ASXL3: variants seen among roughly 807,000 people sequenced by gnomAD.
ASXL3 encodes putative Polycomb group protein ASXL3.
ASXL3 carries 34 observed loss-of-function variants against 170.6 expected under a neutral mutation model. The observed-to-expected ratio is 0.20, with a 90% CI of 0.15 to 0.27. ASXL3 has a LOEUF of 0.27. Ranked by LOEUF, ASXL3 falls within the 10% of genes least tolerant of loss-of-function variation. The pLI, the probability that ASXL3 is intolerant of heterozygous loss-of-function variation, is 1.00. For synonymous variants in ASXL3, 1,002 were observed against 989.1 expected, an observed-to-expected ratio of 1.01 and a Z score of -0.24; for missense variants, 2,592 against 2,695.3, an observed-to-expected ratio of 0.96 and a Z score of 0.85.
At chr18:33,604,286 TGGGACTA>T (rs1397780012) in intron 1 of ASXL3, among the ~76,000 whole-genome samples, 1 of 152,118 alleles carries the variant, frequency 6.6e-6, no homozygotes, top group African/African-American at 2.4e-5. Context: ...CAATAGAACG[TGGGACTA>T]TTACATGAAA....
At position 33,631,656 on chromosome 18, in the gene ASXL3, T is replaced by C. The variant is rs146884945; in HGVS notation, c.138-13238T>C. 5.6e-3 allele frequency among the ~76,000 whole-genome samples: 845 copies of C among 152,252 alleles called. 7 individuals are homozygous for C. Among genetic ancestry groups the C allele is most frequent in the African/African-American group, 0.018 (745 of 41,572 alleles). ...GGACAATTTAAATGTTCGCTGCTGATATCAGCGACTCTCAAACTTGGTTGC... is the reference window on the plus strand; with the variant it reads ...GGACAATTTAAATGTTCGCTGCTGACATCAGCGACTCTCAAACTTGGTTGC... On this transcript the variant is annotated intron_variant, in intron 2 of 11. Transcript: ENST00000269197.
At position 33,738,650 on chromosome 18, in the gene ASXL3, C is replaced by G. The variant is rs2067590585; in HGVS notation, c.1246C>G (p.Pro416Ala). 1.2e-6 allele frequency: 2 copies of G among 1,613,926 alleles called. No homozygotes were observed. The highest frequency in any genetic ancestry group is 2.2e-5 in the South Asian group (2 of 91,074). The change falls in exon 11 of 12, where the codon CCT becomes GCT. Residue 416 changes from proline to alanine, a missense_variant. Transcript: ENST00000269197. Reference sequence around the variant, plus strand: ...CATGAAAAGCCCAGCTTCTCCAGAGCCTGGTTTCTGTGCTACTCTTTGCCC... The same window carrying G: ...CATGAAAAGCCCAGCTTCTCCAGAGGCTGGTTTCTGTGCTACTCTTTGCCC... ...KSMKSPASPEPGFCATLCPMV... is the reference protein window; with the variant it reads ...KSMKSPASPEAGFCATLCPMV...
At chr18:33,582,090 A>G (rs2064998126) in intron 1 of ASXL3, among the ~76,000 whole-genome samples, 1 of 152,192 alleles carries the variant, frequency 6.6e-6, no homozygotes. Flanking sequence ...CATCTGTTTT[A>G]TCTGCTCTTC....
intron 7 of ASXL3, among the ~76,000 whole-genome samples, chr18:33,681,712 T>G (rs1448513291): frequency 6.6e-6 from 1 of 152,062 alleles, no homozygotes; most frequent in Non-Finnish European, 1.5e-5. Context: ...ATTATTTCAG[T>G]TCTGAAAAAT....
rs114940131 is a variant in ASXL3 at position 33,640,286 on chromosome 18, A to G, written c.138-4608A>G. ...ACAAACATATATATATATATCATTC[A>G]GATAACATATATAAAGCCCTCTAAA... On this transcript the variant is annotated intron_variant, in intron 2 of 11. Coordinates refer to ENST00000269197, the MANE Select transcript of ASXL3 (RefSeq NM_030632.3). Among the ~76,000 whole-genome samples, 515 of 152,108 alleles carry G rather than the reference A, an allele frequency of 3.4e-3. 3 individuals are homozygous for G. The highest frequency in any genetic ancestry group is 0.012 in the African/African-American group (494 of 41,512).
chr18:33,733,887 G>C (rs2067495742), intron 9 of ASXL3, among the ~76,000 whole-genome samples: 2 of 152,080 alleles, frequency 1.3e-5, no homozygotes, highest in Non-Finnish European at 2.9e-5. Context: ...GCAGAATTAA[G>C]CGCTTTACTT....
chr18:33,710,392 G>T (rs1241225292), intron 8 of ASXL3, among the ~76,000 whole-genome samples: 1 of 152,190 alleles, frequency 6.6e-6, no homozygotes, highest in Non-Finnish European at 1.5e-5. Flanking sequence ...TCGTTTTAGT[G>T]TAAGAAACTA....
At chr18:33,663,007 T>C (rs1021498720) in intron 5 of ASXL3, among the ~76,000 whole-genome samples, 2 of 152,138 alleles carry the variant, frequency 1.3e-5, no homozygotes, top group Non-Finnish European at 2.9e-5. Context: ...ATTGCAGCAT[T>C]TATATTGAAG....
At chr18:33,657,960 G>A in intron 4 of ASXL3, among the ~76,000 whole-genome samples, 1 of 152,098 alleles carries the variant, frequency 6.6e-6, no homozygotes, top group East Asian at 1.9e-4. Flanking sequence ...AGGACAGGCT[G>A]TATTGTGGGA....
chr18:33,646,111 A>G (rs918808950), intron 3 of ASXL3, 134 bp from the exon 4 acceptor site: 3 of 617,486 alleles, frequency 4.9e-6, no homozygotes, highest in Non-Finnish European at 7.8e-6. Context: ...ATGATTTTAC[A>G]TTAAAAAGTA....
At chr18:33,726,423 C>A (rs964479509) in intron 8 of ASXL3, among the ~76,000 whole-genome samples, 3 of 152,042 alleles carry the variant, frequency 2.0e-5, no homozygotes, top group Non-Finnish European at 4.4e-5. Flanking sequence ...CCACTAGCCA[C>A]TTGAGGCTTT....
At position 33,687,098 on chromosome 18, in the gene ASXL3, G is replaced by A. The variant is rs149245988; in HGVS notation, c.879+3530G>A. ...CAGCTATGAAATGGGATTGTTAAAG[G>A]TCTAGAAGGCAACTAGAGATTTTTT... is the stretch of plus-strand genomic sequence containing the variant. On this transcript the variant is annotated intron_variant, in intron 8 of 11. Transcript: ENST00000269197. Among the ~76,000 whole-genome samples the A allele has an allele frequency of 6.7e-4, 102 of 152,270 alleles. 2 individuals are homozygous for A. The East Asian group carries it at 0.011, about 16-fold the overall frequency.
At chr18:33,716,591 T>C (rs1010316139) in intron 8 of ASXL3, among the ~76,000 whole-genome samples, 1 of 152,046 alleles carries the variant, frequency 6.6e-6, no homozygotes, top group African/African-American at 2.4e-5. Context: ...TTTGTGTAGG[T>C]GTTTGGGATT....
At chr18:33,717,527 C>G (rs1052605305) in intron 8 of ASXL3, among the ~76,000 whole-genome samples, 1 of 152,106 alleles carries the variant, frequency 6.6e-6, no homozygotes, top group African/African-American at 2.4e-5. Context: ...AACCGCCACT[C>G]AAAGCTGTTA....
intron 5 of ASXL3, among the ~76,000 whole-genome samples, chr18:33,670,280 C>G (rs907993026): frequency 1.3e-5 from 2 of 152,208 alleles, no homozygotes; most frequent in Non-Finnish European, 2.9e-5. Context: ...CTGGAGAGGA[C>G]GCACCTGCGA....
intron 1 of ASXL3, among the ~76,000 whole-genome samples, chr18:33,582,619 G>A (rs2065002533): frequency 6.6e-6 from 1 of 151,850 alleles, no homozygotes; most frequent in South Asian, 2.1e-4. Context: ...CAATAGCTTT[G>A]TGCTTGGTAA....
intron 1 of ASXL3, 93 bp from the exon 2 acceptor site, chr18:33,607,501 C>T (rs755809485): frequency 2.9e-6 from 3 of 1,033,656 alleles, no homozygotes; most frequent in Non-Finnish European, 4.4e-6. Context: ...CCCTTCCCCT[C>T]TAATAAAATA....
chr18:33,670,632 G>A (rs749030370), intron 5 of ASXL3, 41 bp from the exon 6 acceptor site: 1 of 1,378,228 alleles, frequency 7.3e-7, no homozygotes, highest in South Asian at 1.3e-5. Context: ...AAATTATTTT[G>A]GCTATATTTT....
At chr18:33,582,064 A>G (rs1398982859) in intron 1 of ASXL3, among the ~76,000 whole-genome samples, 3 of 152,208 alleles carry the variant, frequency 2.0e-5, no homozygotes, top group Non-Finnish European at 4.4e-5. Context: ...GTCTGCTCCC[A>G]AACCAGATGC....
Sources: allele counts gnomAD v4.1 joint callset (sites outside exome capture counted in the v4.1 genomes callset), GRCh38; gene constraint gnomAD v4.1.1; transcripts MANE v1.5; gene names NCBI Gene and HGNC (gene_info 2026-07-23, HGNC 2026-07-21).